The following PRKCH variants were observed in gnomAD, a reference collection of about 807,000 sequenced individuals.
PRKCH encodes the protein protein kinase C eta type.
PRKCH carries 28 observed loss-of-function variants against 82.5 expected under a neutral mutation model. That is an observed-to-expected ratio of 0.34 (90% CI 0.25 to 0.47). PRKCH has a LOEUF of 0.47. PRKCH is among the 20% of genes least tolerant of loss of function. The pLI is 1.00. For missense variants in PRKCH, 705 were observed against 881.8 expected (o/e 0.80, Z 2.54); for synonymous variants, 322 against 327.4 (o/e 0.98, Z 0.18).
chr14:61,241,998 T>C (rs923145005), intron 1 of PRKCH, among the ~76,000 whole-genome samples: 14 of 152,096 alleles, frequency 9.2e-5, no homozygotes, highest in African/African-American at 3.1e-4. Context: ...ACAAAAGAAC[T>C]AAGAATTGGG....
rs2045247485 is a variant in PRKCH at position 61,280,414 on chromosome 14, A to G, written c.-19+92746A>G. 2 of 1,613,844 alleles carry G rather than the reference A, an allele frequency of 1.2e-6. No homozygotes were observed. Among genetic ancestry groups the G allele is most frequent in the Admixed American group, 3.3e-5 (2 of 60,002 alleles). Reference sequence around the variant, plus strand: ...CCACACCACGAAGTCCTGATTGATGAAGCCGGTGTTGTTGGGGTCGGGGCT... The same window carrying G: ...CCACACCACGAAGTCCTGATTGATGGAGCCGGTGTTGTTGGGGTCGGGGCT... On this transcript the variant is annotated intron_variant, in intron 1 of 3. Transcript: ENST00000555185. The surrounding 1 kb of genome is among the most constrained non-coding windows in gnomAD (Gnocchi z 5.0).
rs571354316 is a variant in PRKCH, at chr14:61,334,347, A to G, written c.363+11883A>G. ...CAAACGCACGATGAAGAAAATGACA[A>G]ATGCTGGGTAGGTACCAAGTAGAGA... is the stretch of plus-strand genomic sequence containing the variant. On this transcript the variant is annotated intron_variant, in intron 1 of 13. Coordinates refer to ENST00000332981, the MANE Select transcript of PRKCH (RefSeq NM_006255.5). 2.0e-5 allele frequency among the ~76,000 whole-genome samples: 3 copies of G among 152,276 alleles called. No homozygotes were observed. The East Asian group carries it at 5.8e-4, about 29-fold the overall frequency.
chr14:61,210,280 C>T (rs943742069), intron 1 of PRKCH, among the ~76,000 whole-genome samples: 1 of 151,452 alleles, frequency 6.6e-6, no homozygotes, highest in African/African-American at 2.4e-5. Flanking sequence ...TGCCACTGCA[C>T]TCCAGCCTGA....
At chr14:61,248,309 A>G (rs2044905881) in intron 1 of PRKCH, among the ~76,000 whole-genome samples, 1 of 152,220 alleles carries the variant, frequency 6.6e-6, no homozygotes, top group Non-Finnish European at 1.5e-5. Context: ...TGTTACCTCA[A>G]CCATCAAAAT....
At chr14:61,222,460 C>G (rs2044663093) in intron 1 of PRKCH, among the ~76,000 whole-genome samples, 1 of 152,142 alleles carries the variant, frequency 6.6e-6, no homozygotes, top group Non-Finnish European at 1.5e-5. Flanking sequence ...TCCCTCATAT[C>G]CATGGACTTA....
intron 1 of PRKCH, among the ~76,000 whole-genome samples, chr14:61,274,376 TG>T (rs1021114429): frequency 1.1e-4 from 16 of 152,284 alleles, no homozygotes; most frequent in Non-Finnish European, 2.1e-4. Context: ...CTGTAGGCTG[TG>T]GGTAGACAGG....
At chr14:61,264,214 G>A (rs2045075954) in intron 1 of PRKCH, among the ~76,000 whole-genome samples, 1 of 152,056 alleles carries the variant, frequency 6.6e-6, no homozygotes, top group South Asian at 2.1e-4. Flanking sequence ...TAAGAACATT[G>A]CACAAAACGG....
Position 61,279,918 on chromosome 14 carries a change from C to T in PRKCH, c.-19+92250C>T, listed in dbSNP as rs558407731. The T allele has an allele frequency of 2.7e-5, 17 of 621,200 alleles. No homozygotes were observed. In the African/African-American group the frequency reaches 2.9e-4, roughly 11 times the overall value. The allele number at this position is 621,200 out of a possible 1,614,324, so 38.5% of individuals were successfully genotyped here. A position where few individuals can be genotyped will look rare whatever the true frequency, so the allele number is the denominator to read the frequency against. ...GTCAACATCCCTCCCCGCGGCAAGACAGTCTAGCAGCCCCCCAAGAGCAAG... is the reference window on the plus strand; with the variant it reads ...GTCAACATCCCTCCCCGCGGCAAGATAGTCTAGCAGCCCCCCAAGAGCAAG... On this transcript the variant is annotated intron_variant, in intron 1 of 3. Transcript: ENST00000555185.
intron 10 of PRKCH, among the ~76,000 whole-genome samples, chr14:61,521,378 A>T (rs921737861): frequency 1.1e-4 from 17 of 152,146 alleles, no homozygotes; most frequent in Non-Finnish European, 1.9e-4. Flanking sequence ...CACGGTTGAT[A>T]CATAATTTAG....
At chr14:61,410,742 C>G (rs760160540) in intron 2 of PRKCH, among the ~76,000 whole-genome samples, 7 of 152,162 alleles carry the variant, frequency 4.6e-5, no homozygotes, top group African/African-American at 1.7e-4. Context: ...GCAACGCACC[C>G]GACCTCTATC....
intron 1 of PRKCH, among the ~76,000 whole-genome samples, chr14:61,195,387 A>G (rs1395406745): frequency 6.6e-6 from 1 of 152,206 alleles, no homozygotes; most frequent in Non-Finnish European, 1.5e-5. Context: ...AAAAGAGAGG[A>G]TTCAAAGTGC....
At chr14:61,190,239 C>T (rs1180156435) in intron 1 of PRKCH, among the ~76,000 whole-genome samples, 3 of 152,114 alleles carry the variant, frequency 2.0e-5, no homozygotes, top group Non-Finnish European at 4.4e-5. Context: ...TCATCCTCAC[C>T]ACCCACCTCT....
chr14:61,280,463 A>C lies in PRKCH; in HGVS notation c.-19+92795A>C. The C allele has an allele frequency of 3.7e-6, 6 of 1,613,528 alleles. No individual in the cohort carries two copies. The highest frequency in any genetic ancestry group is 5.1e-6 in the Non-Finnish European group (6 of 1,179,740). ...CTGAGCTCGTAGACTGGCCGGCGCC[A>C]GTTGGGCGGGGGCGCCGTGCCCTGG... On this transcript the variant is annotated intron_variant, in intron 1 of 3. Coordinates refer to the PRKCH transcript ENST00000555185. This position sits in a 1 kb window ranked among gnomAD's most constrained non-coding sequence, Gnocchi z 5.0.
chr14:61,544,877 A>G (rs1202900165), intron 12 of PRKCH, among the ~76,000 whole-genome samples: 2 of 152,052 alleles, frequency 1.3e-5, no homozygotes, highest in Non-Finnish European at 2.9e-5. Flanking sequence ...CAGTTAGTGG[A>G]TTGTGTTTAT....
chr14:61,465,703 G>T (rs968370537), intron 9 of PRKCH, among the ~76,000 whole-genome samples: 2 of 152,060 alleles, frequency 1.3e-5, no homozygotes, highest in African/African-American at 2.4e-5. Context: ...CTTTGATGTC[G>T]TGCATTATTT....
chr14:61,512,443 T>A (rs1218952482), intron 10 of PRKCH, among the ~76,000 whole-genome samples: 3 of 151,994 alleles, frequency 2.0e-5, no homozygotes, highest in Admixed American at 6.6e-5. Flanking sequence ...TAGTAAAAAA[T>A]TTTTGACTTA....
At chr14:61,484,792 G>T (rs1381436417) in intron 9 of PRKCH, among the ~76,000 whole-genome samples, 5 of 140,550 alleles carry the variant, frequency 3.6e-5, no homozygotes, top group African/African-American at 1.4e-4. Flanking sequence ...TTGGAAGAAG[G>T]AGTCTTACTC....
At chr14:61,346,477 G>T (rs1012633775) in intron 1 of PRKCH, among the ~76,000 whole-genome samples, 1 of 152,138 alleles carries the variant, frequency 6.6e-6, no homozygotes, top group African/African-American at 2.4e-5. Flanking sequence ...TACACCAATG[G>T]TCTTATTTTC....
chr14:61,466,702 T>G (rs1885276968), intron 9 of PRKCH, among the ~76,000 whole-genome samples: 1 of 152,256 alleles, frequency 6.6e-6, no homozygotes, highest in African/African-American at 2.4e-5. Flanking sequence ...GAAGTACTCC[T>G]CATTGTTTTG....
Sources: allele counts gnomAD v4.1 joint callset (sites outside exome capture counted in the v4.1 genomes callset), GRCh38; gene constraint gnomAD v4.1.1; non-coding constraint Gnocchi (gnomAD v3.1); transcripts MANE v1.5; gene names NCBI Gene and HGNC (gene_info 2026-07-23, HGNC 2026-07-21).